Variants in PNMA8A observed in about 807,000 individuals in gnomAD.
The protein encoded by PNMA8A is PNMA family member 8A.
PNMA8A carries 17 observed loss-of-function variants against 26.6 expected under a neutral mutation model. The observed-to-expected ratio is 0.64, with a 90% confidence interval of 0.44 to 0.96. The LOEUF is 0.96. Among genes scored for constraint, PNMA8A ranks in the 40% least tolerant of loss-of-function variants. The pLI, the probability that PNMA8A is intolerant of heterozygous loss-of-function variation, is 0.00. For missense variants in PNMA8A, 532 were observed against 488.4 expected, an observed-to-expected ratio of 1.09 and a Z score of -0.84; for synonymous variants, 224 against 182.0, an observed-to-expected ratio of 1.23 and a Z score of -1.86.
In PNMA8A at chr19:46,470,961, C is replaced by A; in HGVS notation, c.75G>T (p.Leu25Phe). The A allele has an allele frequency of 1.3e-6, 1 of 780,974 alleles. No individual in the cohort carries two copies. The highest frequency in any genetic ancestry group is 1.3e-5 in the South Asian group (1 of 74,616). The allele number at this position is 780,974 out of a possible 1,614,324, so 48.4% of individuals were successfully genotyped here. The change falls in exon 2 of 3, where the codon TTG (leucine) becomes TTT (phenylalanine). Residue 25 changes from leucine (L) to phenylalanine (F), a missense_variant. Coordinates refer to ENST00000313683, the MANE Select transcript of PNMA8A (RefSeq NM_018215.4). ...AGTCCTCTGGGATGCCTGTGACCAACAAGGACCTGTGGATGTCCACTTCCA... is the reference window on the plus strand; with the variant it reads ...AGTCCTCTGGGATGCCTGTGACCAAAAAGGACCTGTGGATGTCCACTTCCA... ...RGMEVDIHRSLLVTGIPEDCG... is the reference protein window; with the variant it reads ...RGMEVDIHRSFLVTGIPEDCG...
At chr19:46,469,335 C>T (rs1017184601) in intron 2 of PNMA8A, among the ~76,000 whole-genome samples, 1 of 152,100 alleles carries the variant, frequency 6.6e-6, no homozygotes, top group Non-Finnish European at 1.5e-5. Context: ...GTCTTGAACT[C>T]CTGACCTCAG....
Position 46,470,635 on chromosome 19 carries a change from G to A in PNMA8A, c.401C>T (p.Thr134Ile), listed in dbSNP as rs1253610341. 1 of 1,590,124 alleles carries A rather than the reference G, an allele frequency of 6.3e-7. No homozygotes were observed. Among genetic ancestry groups the A allele is most frequent in the Non-Finnish European group, 8.6e-7 (1 of 1,158,130 alleles). Residue 134 changes from threonine to isoleucine, a missense_variant, in exon 2 of 3, where the codon ACC (threonine) becomes ATC (isoleucine). By Grantham distance (89) the Thr-to-Ile change is moderately conservative. Coordinates refer to ENST00000313683, the MANE Select transcript of PNMA8A (RefSeq NM_018215.4). ...VVRLLQLNHP[T>I]LSQNQHQPPE... ...GGGCTGATGCTGGTTCTGGGACAGG[G>A]TGGGGTGGTTGAGCTGGAGCAGGCG...
rs762048849 is a variant in PNMA8A, at chr19:46,469,718, T to C, written c.1303+15A>G. ...TTGCTGGCACGAGCCCAGTCACTTC[T>C]GCTATCATTCTCACCATTGGTGGCA... On this transcript the variant is annotated intron_variant, in intron 2 of 2. Transcript: ENST00000313683. 7 of 1,589,622 alleles carry C rather than the reference T, an allele frequency of 4.4e-6. No homozygotes were observed. The highest frequency in any genetic ancestry group is 1.4e-5 in the African/African-American group (1 of 74,034).
chr19:46,470,227 T>A lies in PNMA8A; in HGVS notation c.809A>T (p.Asn270Ile). Residue 270 changes from asparagine to isoleucine, a missense_variant, in exon 2 of 3, where the codon AAC becomes ATC. Coordinates refer to ENST00000313683, the MANE Select transcript of PNMA8A (RefSeq NM_018215.4). ...PKGINSNSTA[N>I]LEDPEVGDAE... ...ATCACCCACCTCAGGATCCTCCAAG[T>A]TAGCTGTGCTGTTGGAATTGATGCC... The A allele has an allele frequency of 6.2e-7, 1 of 1,614,180 alleles. No individual in the cohort carries two copies. The highest frequency in any genetic ancestry group is 2.2e-5 in the East Asian group (1 of 44,890).
rs1969787819 is a variant in PNMA8A, at chr19:46,471,117, G to A, written c.-79-3C>T. The A allele has an allele frequency of 2.0e-5, 13 of 658,538 alleles. No individual in the cohort carries two copies. In the South Asian group the frequency reaches 2.4e-4, roughly 12 times the overall value. The allele number at this position is 658,538 out of a possible 1,614,324, so 40.8% of individuals were successfully genotyped here. A position where few individuals can be genotyped will look rare whatever the true frequency, so the allele number is the denominator to read the frequency against. ...GCAGCGGTCTCCAAACAGTAATCCT[G>A]CAAGGTGACAAGGGAGCGAGGTCAC... On this transcript the variant is annotated splice_polypyrimidine_tract_variant and splice_region_variant and intron_variant, in intron 1 of 2. Transcript: ENST00000313683.
chr19:46,470,815 C>G lies in PNMA8A; in HGVS notation c.221G>C (p.Gly74Ala). Residue 74 changes from glycine (G) to alanine (A), a missense_variant, in exon 2 of 3, where the codon GGT becomes GCT. Physicochemically the swap from Gly to Ala is moderately conservative, Grantham distance 60. Transcript: ENST00000313683. ...ENVKAALIEVGEGVNLSTIPR... is the reference protein window; with the variant it reads ...ENVKAALIEVAEGVNLSTIPR... ...GATGGTGCTCAGATTCACACCTTCA[C>G]CAACCTCAATGAGGGCAGCTTTAAC... 2.6e-6 allele frequency: 2 copies of G among 781,748 alleles called. No individual in the cohort carries two copies. Among genetic ancestry groups the G allele is most frequent in the Non-Finnish European group, 2.4e-6 (1 of 418,742 alleles). 48.4% of individuals were successfully genotyped at this position (781,748 alleles called of 1,614,324 possible). A position where few individuals can be genotyped will look rare whatever the true frequency, so the allele number is the denominator to read the frequency against.
intron 2 of PNMA8A, among the ~76,000 whole-genome samples, 187 bp from the exon 3 acceptor site, chr19:46,468,764 G>T (rs1003928572): frequency 1.3e-5 from 2 of 151,914 alleles, no homozygotes; most frequent in African/African-American, 2.4e-5. Flanking sequence ...ATTTTTTTTG[G>T]GGGGAGGGGG....
In PNMA8A at chr19:46,468,232, G is replaced by A. The variant is rs1439850988; in HGVS notation, c.*329C>T. The A allele has an allele frequency of 2.9e-6, 1 of 346,572 alleles. No homozygotes were observed. The highest frequency in any genetic ancestry group is 5.3e-6 in the Non-Finnish European group (1 of 189,208). 21.5% of individuals were successfully genotyped at this position (346,572 alleles called of 1,614,324 possible). A position where few individuals can be genotyped will look rare whatever the true frequency, so the allele number is the denominator to read the frequency against. Reference sequence around the variant, plus strand: ...GGGGAGAAAAGCTGAACATGGATGAGTGTAACAGTGACCCTGCTCATGCAT... The same window carrying A: ...GGGGAGAAAAGCTGAACATGGATGAATGTAACAGTGACCCTGCTCATGCAT... On this transcript the variant is annotated 3_prime_UTR_variant, in exon 3 of 3. Transcript: ENST00000313683.
Position 46,470,311 on chromosome 19 carries a change from C to T in PNMA8A, c.725G>A (p.Arg242Lys). ...VRRAGAKSRS[R>K]RKKQKKNSRQ... Reference sequence around the variant, plus strand: ...GGAGTTCTTCTTCTGCTTCTTTCTCCTGGAGCGAGACTTAGCTCCAGCCCT... The same window carrying T: ...GGAGTTCTTCTTCTGCTTCTTTCTCTTGGAGCGAGACTTAGCTCCAGCCCT... The change falls in exon 2 of 3, where the codon AGG (arginine) becomes AAG (lysine). Residue 242 changes from arginine to lysine, a missense_variant. By Grantham distance (26) the Arg-to-Lys change is conservative (BLOSUM62 2). Transcript: ENST00000313683. 1.2e-6 allele frequency: 2 copies of T among 1,613,902 alleles called. No homozygotes were observed. Among genetic ancestry groups the T allele is most frequent in the South Asian group, 1.1e-5 (1 of 91,086 alleles).
At chr19:46,469,239 G>A (rs936258093) in intron 2 of PNMA8A, among the ~76,000 whole-genome samples, 3 of 150,482 alleles carry the variant, frequency 2.0e-5, no homozygotes, top group Non-Finnish European at 2.9e-5. Flanking sequence ...CTCCCGAGTA[G>A]CTGGGATTAC....
rs1969729250 is a variant in PNMA8A at position 46,467,852 on chromosome 19, C to A, written c.*709G>T. The A allele has an allele frequency of 6.6e-6, 1 of 152,278 alleles. No homozygotes were observed. Among genetic ancestry groups the A allele is most frequent in the African/African-American group, 2.4e-5 (1 of 41,458 alleles). The allele number at this position is 152,278 out of a possible 1,614,324, so 9.4% of individuals were successfully genotyped here. Reference sequence around the variant, plus strand: ...GCTGGGGACCTAGGAATGCCTGCGTCCTTCCCTATAATCACCCCCCTTCCC... The same window carrying A: ...GCTGGGGACCTAGGAATGCCTGCGTACTTCCCTATAATCACCCCCCTTCCC... On this transcript the variant is annotated 3_prime_UTR_variant, in exon 3 of 3. Coordinates refer to ENST00000313683, the MANE Select transcript of PNMA8A (RefSeq NM_018215.4).
chr19:46,471,018 C>T lies in PNMA8A; in HGVS notation c.18G>A (p.Ala6=). 1 of 773,246 alleles carries T rather than the reference C, an allele frequency of 1.3e-6. No individual in the cohort carries two copies. 47.9% of individuals were successfully genotyped at this position (773,246 alleles called of 1,614,324 possible). A position where few individuals can be genotyped will look rare whatever the true frequency, so the allele number is the denominator to read the frequency against. MSKTM[A]MNLLEDWCRG... is the part of the protein sequence containing the mutation. ...TGCACCAATCCTCCAGAAGGTTCAT[C>T]GCCATGGTCTTGGACATTTAGCGGC... The change falls in exon 2 of 3, where the codon GCG becomes GCA. Residue 6 remains alanine, a synonymous_variant. Transcript: ENST00000313683.
rs866151296 is a variant in PNMA8A at position 46,470,512 on chromosome 19, C to T, written c.524G>A (p.Arg175Lys). 17 of 1,614,100 alleles carry T rather than the reference C, an allele frequency of 1.1e-5. No homozygotes were observed. In the Middle Eastern group the frequency reaches 4.9e-4, roughly 47 times the overall value. ...CTCGAATTCAGCGGCCTCCTGGGCCCTGGCTTCCTCCCGGCTGCGGATCTC... is the reference window on the plus strand; with the variant it reads ...CTCGAATTCAGCGGCCTCCTGGGCCTTGGCTTCCTCCCGGCTGCGGATCTC... Reference protein sequence around the residue: ...DAEIRSREEARAQEAAEFEEM... With the variant: ...DAEIRSREEAKAQEAAEFEEM... Residue 175 changes from arginine (R) to lysine (K), a missense_variant, in exon 2 of 3, where the codon AGG becomes AAG. Physicochemically the swap from Arg to Lys is conservative, Grantham distance 26. Coordinates refer to ENST00000313683, the MANE Select transcript of PNMA8A (RefSeq NM_018215.4).
Position 46,470,959 on chromosome 19 carries a change from A to G in PNMA8A, c.77T>C (p.Leu26Ser), listed in dbSNP as rs754215650. ...GMEVDIHRSL[L>S]VTGIPEDCGQ... is the part of the protein sequence containing the mutation. ...ACAGTCCTCTGGGATGCCTGTGACC[A>G]ACAAGGACCTGTGGATGTCCACTTC... The change falls in exon 2 of 3, where the codon TTG (leucine) becomes TCG (serine). Residue 26 changes from leucine to serine, a missense_variant. By Grantham distance (145) the Leu-to-Ser change is moderately radical. Coordinates refer to ENST00000313683, the MANE Select transcript of PNMA8A (RefSeq NM_018215.4). The G allele has an allele frequency of 9.0e-6, 7 of 780,960 alleles. No individual in the cohort carries two copies. In the Admixed American group the frequency reaches 1.2e-4, roughly 13 times the overall value. 48.4% of individuals were successfully genotyped at this position (780,960 alleles called of 1,614,324 possible).
rs1479404759 is a variant in PNMA8A, at chr19:46,468,578, C to T, written c.1304-1G>A. On this transcript the variant is annotated splice_acceptor_variant, in intron 2 of 2. Transcript: ENST00000313683. LOFTEE classifies it high-confidence loss of function. Reference sequence around the variant, plus strand: ...CCCCCAGATCAAACCTTTCTGGATTCTGCAAATAAATGAGAGAACAGATCA... The same window carrying T: ...CCCCCAGATCAAACCTTTCTGGATTTTGCAAATAAATGAGAGAACAGATCA... The T allele has an allele frequency of 6.2e-7, 1 of 1,611,966 alleles. No homozygotes were observed. The highest frequency in any genetic ancestry group is 8.5e-7 in the Non-Finnish European group (1 of 1,178,116).
chr19:46,469,779 C>T lies in PNMA8A; in HGVS notation c.1257G>A (p.Arg419=). The T allele has an allele frequency of 6.2e-7, 1 of 1,613,988 alleles. No homozygotes were observed. ...AGCCTTCTGGCTTGGCCTTCGGACC[C>T]CTAGAGGTTGAGGCTGTTGCCTCGG... is the stretch of plus-strand genomic sequence containing the variant. ...QPAEATASTS[R]GPKAKPEGSP... The change falls in exon 2 of 3, where the codon AGG becomes AGA. Residue 419 remains arginine, a synonymous_variant. Coordinates refer to ENST00000313683, the MANE Select transcript of PNMA8A (RefSeq NM_018215.4).
At position 46,470,280 on chromosome 19, in the gene PNMA8A, C is replaced by G; in HGVS notation, c.756G>C (p.Gln252His). The change falls in exon 2 of 3, where the codon CAG becomes CAC. Residue 252 changes from glutamine (Q) to histidine (H), a missense_variant. Coordinates refer to ENST00000313683, the MANE Select transcript of PNMA8A (RefSeq NM_018215.4). ...TGGGTTTTTTCCAGGGCACTGCTTC[C>G]TGCCTGGAGTTCTTCTTCTGCTTCT... ...RRKKQKKNSR[Q>H]EAVPWKKPKG... The G allele has an allele frequency of 6.2e-7, 1 of 1,613,858 alleles. No homozygotes were observed. The highest frequency in any genetic ancestry group is 1.3e-5 in the African/African-American group (1 of 75,060).
chr19:46,470,284 C>T lies in PNMA8A; in HGVS notation c.752G>A (p.Arg251Lys). 1 of 1,613,860 alleles carries T rather than the reference C, an allele frequency of 6.2e-7. No homozygotes were observed. Residue 251 changes from arginine (R) to lysine (K), a missense_variant, in exon 2 of 3, where the codon AGG becomes AAG. Arg to Lys is a conservative substitution (Grantham distance 26, BLOSUM62 2). Coordinates refer to ENST00000313683, the MANE Select transcript of PNMA8A (RefSeq NM_018215.4). ...TTTTTTCCAGGGCACTGCTTCCTGC[C>T]TGGAGTTCTTCTTCTGCTTCTTTCT... is the stretch of plus-strand genomic sequence containing the variant. ...SRRKKQKKNS[R>K]QEAVPWKKPK...
In PNMA8A at chr19:46,466,790, AT is replaced by A. The variant is rs1332096779; in HGVS notation, c.*1770del. 2.0e-5 allele frequency: 3 copies of A among 152,202 alleles called. No individual in the cohort carries two copies. The East Asian group carries it at 5.8e-4, about 29-fold the overall frequency. 9.4% of individuals were successfully genotyped at this position (152,202 alleles called of 1,614,324 possible). ...ATTTTGAAATGAATCATCACGAGAA[AT>A]TTGTTTTAAAGTTGAATCACTGAGA... On this transcript the variant is annotated 3_prime_UTR_variant, in exon 3 of 3. Coordinates refer to ENST00000313683, the MANE Select transcript of PNMA8A (RefSeq NM_018215.4).
Sources: gnomAD v4.1 joint callset for allele counts (sites outside exome capture counted in the v4.1 genomes callset) on GRCh38, gnomAD v4.1.1 for gene constraint, MANE v1.5 for transcripts, NCBI Gene and HGNC (gene_info 2026-07-23, HGNC 2026-07-21) for gene names.